Variants in HACL2 observed in about 807,000 individuals in gnomAD.
HACL2 encodes the protein 2-hydroxyacyl-CoA lyase 1 like.
At chr19:15,116,305 G>A in the HACL2 span, 1 of 1,613,960 alleles carries the variant, frequency 6.2e-7, no homozygotes, top group Non-Finnish European at 8.5e-7. Flanking sequence ...TGGGCCACAG[G>A]CATCGCTGCC....
chr19:15,119,584 TC>T, the HACL2 span: 1 of 1,353,778 alleles, frequency 7.4e-7, no homozygotes, highest in East Asian at 2.4e-5. Context: ...ACAGTTTCAC[TC>T]TGTTGCCCAG....
At chr19:15,124,730 A>C in the HACL2 span, 2 of 706,316 alleles carry the variant, frequency 2.8e-6, no homozygotes, top group South Asian at 4.1e-5. Context: ...GTTCTCTCTT[A>C]CCAGTGGCAA....
the HACL2 span, chr19:15,115,972 C>T: frequency 6.2e-7 from 1 of 1,614,108 alleles, no homozygotes; most frequent in South Asian, 1.1e-5. Flanking sequence ...ACCTAGAGAG[C>T]AGCAAGTCTC....
At chr19:15,121,352 C>T in the HACL2 span, among the ~76,000 whole-genome samples, 2 of 152,202 alleles carry the variant, frequency 1.3e-5, no homozygotes, top group Admixed American at 1.3e-4. Flanking sequence ...GCCTGACTAC[C>T]TTGTCCACTG....
At chr19:15,119,481 T>C in the HACL2 span, 1 of 1,614,056 alleles carries the variant, frequency 6.2e-7, no homozygotes, top group East Asian at 2.2e-5. Context: ...CAGAGGCCTC[T>C]TGGCCCGGCT....
the HACL2 span, chr19:15,118,106 C>T: frequency 2.0e-6 from 3 of 1,516,692 alleles, no homozygotes; most frequent in East Asian, 2.3e-5. Flanking sequence ...AAATGAGTCC[C>T]TGTTCCTCAC....
the HACL2 span, chr19:15,123,083 C>T: frequency 2.5e-6 from 4 of 1,611,932 alleles, no homozygotes; most frequent in Admixed American, 1.7e-5. The surrounding 1 kb of genome is among the most constrained non-coding windows in gnomAD (Gnocchi z 5.1). Flanking sequence ...TCAAGCCCCC[C>T]TAGGCCCCCA....
the HACL2 span, chr19:15,117,931 T>G: frequency 5.0e-6 from 8 of 1,614,014 alleles, no homozygotes; most frequent in Non-Finnish European, 6.8e-6. Context: ...GAGCAACATC[T>G]CTTCCCGATT....
At chr19:15,123,088 C>A in the HACL2 span, 1 of 1,612,168 alleles carries the variant, frequency 6.2e-7, no homozygotes, top group South Asian at 1.1e-5. The surrounding 1 kb of genome is among the most constrained non-coding windows in gnomAD (Gnocchi z 5.1). Context: ...CCCCCCTAGG[C>A]CCCCACTGGC....
the HACL2 span, chr19:15,122,571 T>G: frequency 1.3e-6 from 1 of 791,918 alleles, no homozygotes; most frequent in Non-Finnish European, 2.1e-6. The surrounding 1 kb of genome is among the most constrained non-coding windows in gnomAD (Gnocchi z 4.0). Context: ...CTACCTGGAA[T>G]GCTCTCCCCC....
At chr19:15,117,912 G>A in the HACL2 span, 1 of 1,614,110 alleles carries the variant, frequency 6.2e-7, no homozygotes, top group East Asian at 2.2e-5. Flanking sequence ...TCCAGAAGAT[G>A]TCTGAGTTGA....
chr19:15,119,965 A>G, the HACL2 span: 49 of 1,531,870 alleles, frequency 3.2e-5, no homozygotes, highest in Non-Finnish European at 4.2e-5. Context: ...CTCAGACACA[A>G]AAGAGAGGCA....
At chr19:15,124,964 G>C in the HACL2 span, 4 of 1,607,984 alleles carry the variant, frequency 2.5e-6, no homozygotes, top group Middle Eastern at 1.8e-4. Context: ...GGCGGTGAGC[G>C]GCGCCCAGCA....
the HACL2 span, chr19:15,118,029 C>T: frequency 6.2e-7 from 1 of 1,613,900 alleles, no homozygotes; most frequent in East Asian, 2.2e-5. Context: ...GTGTGGGGGA[C>T]AGGAATGCAG....
At chr19:15,125,164 A>G in the HACL2 span, 34 of 1,236,416 alleles carry the variant, frequency 2.7e-5, no homozygotes, top group Non-Finnish European at 3.4e-5. Flanking sequence ...CAGGGCCACG[A>G]CCCTTGCCGC....
chr19:15,117,840 G>A, the HACL2 span: 3 of 1,610,198 alleles, frequency 1.9e-6, no homozygotes, highest in South Asian at 1.1e-5. Flanking sequence ...GAGAGGGACT[G>A]GGAGGAGCAC....
the HACL2 span, chr19:15,123,245 TG>T: frequency 5.0e-6 from 8 of 1,613,640 alleles, no homozygotes; most frequent in Non-Finnish European, 6.8e-6. This position sits in a 1 kb window ranked among gnomAD's most constrained non-coding sequence, Gnocchi z 5.1. Context: ...CCACCGTCCC[TG>T]GAACACAGAG....
the HACL2 span, chr19:15,123,113 T>A: frequency 1.9e-6 from 3 of 1,613,400 alleles, no homozygotes; most frequent in African/African-American, 4.0e-5. The surrounding 1 kb of genome is among the most constrained non-coding windows in gnomAD (Gnocchi z 5.1). Context: ...AAGGACTGGG[T>A]ACCTGCAGCA....
chr19:15,123,164 A>G, the HACL2 span: 12 of 1,613,806 alleles, frequency 7.4e-6, no homozygotes, highest in African/African-American at 1.6e-4. The surrounding 1 kb of genome is among the most constrained non-coding windows in gnomAD (Gnocchi z 5.1). Flanking sequence ...TTGGGGACTG[A>G]GCCATCTGAG....
Sources: gnomAD v4.1 joint callset for allele counts (sites outside exome capture counted in the v4.1 genomes callset) on GRCh38, gnomAD v4.1.1 for gene constraint, Gnocchi (gnomAD v3.1) non-coding constraint, MANE v1.5 for transcripts, NCBI Gene and HGNC (gene_info 2026-07-23, HGNC 2026-07-21) for gene names.